ADAMTSL1: variants seen among roughly 807,000 people sequenced by gnomAD.
The protein encoded by ADAMTSL1 is ADAMTS-like protein 1.
ADAMTSL1 carries 126 observed loss-of-function variants against 201.8 expected under a neutral mutation model. That is an observed-to-expected ratio of 0.62 (90% CI 0.54 to 0.72). The LOEUF is 0.72. Ranked by LOEUF, ADAMTSL1 falls within the 30% of genes least tolerant of loss-of-function variation. The pLI, the probability that ADAMTSL1 is intolerant of heterozygous loss-of-function variation, is 0.00. For missense variants in ADAMTSL1, 2,679 were observed against 2,277.8 expected, an observed-to-expected ratio of 1.18 and a Z score of -3.59; for synonymous variants, 1,121 against 903.4, an observed-to-expected ratio of 1.24 and a Z score of -4.32.
intron 9 of ADAMTSL1, among the ~76,000 whole-genome samples, chr9:18,674,304 T>C (rs952946573): frequency 3.9e-5 from 6 of 152,064 alleles, no homozygotes; most frequent in African/African-American, 1.4e-4. Flanking sequence ...AATTTAGTCA[T>C]GTAAAATAAA....
chr9:18,561,079 G>A (rs957927692), intron 3 of ADAMTSL1, among the ~76,000 whole-genome samples: 5 of 151,534 alleles, frequency 3.3e-5, no homozygotes, highest in East Asian at 1.9e-4. Context: ...TTTGAAATCC[G>A]TTCCTGTTTG....
At chr9:18,002,525 G>A (rs570536557) in intron 1 of ADAMTSL1, among the ~76,000 whole-genome samples, 25 of 152,132 alleles carry the variant, frequency 1.6e-4, no homozygotes, top group African/African-American at 6.0e-4. Flanking sequence ...AAGAGTATGT[G>A]ACCATAGCAT....
intron 4 of ADAMTSL1, among the ~76,000 whole-genome samples, chr9:18,588,872 TATATAC>T (rs1823704697): frequency 1.5e-5 from 2 of 131,970 alleles, no homozygotes; most frequent in African/African-American, 5.7e-5. Flanking sequence ...TTGTGCCATA[TATATAC>T]ATATACATAT....
intron 2 of ADAMTSL1, among the ~76,000 whole-genome samples, chr9:18,179,725 A>G (rs1828366031): frequency 6.6e-6 from 1 of 152,330 alleles, no homozygotes; most frequent in African/African-American, 2.4e-5. Flanking sequence ...AATATTCAAC[A>G]TTCTTAAAGA....
chr9:18,370,215 G>A (rs1306711374), intron 2 of ADAMTSL1, among the ~76,000 whole-genome samples: 1 of 151,934 alleles, frequency 6.6e-6, no homozygotes, highest in Non-Finnish European at 1.5e-5. Context: ...AGGAGGCGGA[G>A]GTTGCAGTGA....
chr9:18,596,467 A>G (rs758524100), intron 4 of ADAMTSL1, among the ~76,000 whole-genome samples: 7 of 152,132 alleles, frequency 4.6e-5, no homozygotes, highest in South Asian at 2.1e-4. Flanking sequence ...ATGAAAGCCA[A>G]TATTTATTTA....
intron 23 of ADAMTSL1, among the ~76,000 whole-genome samples, chr9:18,846,520 A>C (rs978169048): frequency 6.6e-6 from 1 of 152,218 alleles, no homozygotes; most frequent in African/African-American, 2.4e-5. Context: ...GAGGTGGAGC[A>C]AATTGCTGGT....
At chr9:18,260,207 AT>A (rs1563841373) in intron 2 of ADAMTSL1, among the ~76,000 whole-genome samples, 1 of 152,208 alleles carries the variant, frequency 6.6e-6, no homozygotes, top group African/African-American at 2.4e-5. Flanking sequence ...GGACTGGCCA[AT>A]TAAAGCCCCC....
chr9:18,603,335 A>C (rs572170708), intron 4 of ADAMTSL1, among the ~76,000 whole-genome samples: 2 of 151,468 alleles, frequency 1.3e-5, no homozygotes, highest in Admixed American at 6.6e-5. Context: ...ATCTGTCTCC[A>C]AAGCTATATG....
At chr9:18,613,613 C>G (rs957159946) in intron 4 of ADAMTSL1, among the ~76,000 whole-genome samples, 2 of 151,882 alleles carry the variant, frequency 1.3e-5, no homozygotes, top group South Asian at 2.1e-4. Flanking sequence ...GACACAAGAA[C>G]AAAAACAAAA....
intron 2 of ADAMTSL1, among the ~76,000 whole-genome samples, chr9:18,445,892 A>G (rs1217929449): frequency 6.6e-6 from 1 of 152,196 alleles, no homozygotes; most frequent in Non-Finnish European, 1.5e-5. Context: ...TATATGCACA[A>G]TACTGTATCA....
At chr9:18,588,364 A>C (rs1002442801) in intron 4 of ADAMTSL1, among the ~76,000 whole-genome samples, 2 of 151,940 alleles carry the variant, frequency 1.3e-5, no homozygotes, top group African/African-American at 4.8e-5. Context: ...CTGGTTATTA[A>C]CTCCTTGCCA....
chr9:17,961,207 T>C (rs80118027), intron 1 of ADAMTSL1, among the ~76,000 whole-genome samples: 1,889 of 152,200 alleles, frequency 0.012, 38 homozygotes, highest in African/African-American at 0.044. Flanking sequence ...AGGCTGTTTT[T>C]TCACCTAATG....
intron 9 of ADAMTSL1, among the ~76,000 whole-genome samples, chr9:18,673,664 T>C (rs1030762635): frequency 3.9e-5 from 6 of 152,186 alleles, no homozygotes; most frequent in Admixed American, 2.0e-4. Flanking sequence ...GATAAATCAA[T>C]TGACAGAGAT....
intron 2 of ADAMTSL1, among the ~76,000 whole-genome samples, chr9:18,224,418 C>A (rs1398890778): frequency 6.6e-6 from 1 of 152,062 alleles, no homozygotes. Flanking sequence ...CCATCATAAC[C>A]TAAACACCTC....
intron 2 of ADAMTSL1, among the ~76,000 whole-genome samples, chr9:18,195,323 T>A (rs72701548): frequency 6.6e-6 from 1 of 152,144 alleles, no homozygotes; most frequent in African/African-American, 2.4e-5. Context: ...GTGGCAAGGA[T>A]CAAAACTGCC....
intron 23 of ADAMTSL1, among the ~76,000 whole-genome samples, chr9:18,872,460 A>T (rs936906610): frequency 2.6e-5 from 4 of 152,090 alleles, no homozygotes. Context: ...ACTGTACCCA[A>T]TGTGTAGTCT....
chr9:17,951,439 G>C (rs1188823375), intron 1 of ADAMTSL1, among the ~76,000 whole-genome samples: 3 of 152,102 alleles, frequency 2.0e-5, no homozygotes, highest in South Asian at 2.1e-4. Flanking sequence ...ATTCTTACCA[G>C]CTCTGCAGGG....
At chr9:18,414,078 T>C (rs1467961197) in intron 2 of ADAMTSL1, among the ~76,000 whole-genome samples, 1 of 152,206 alleles carries the variant, frequency 6.6e-6, no homozygotes, top group African/African-American at 2.4e-5. Context: ...TTTTAATTAG[T>C]TACAAAAGAT....
Sources: allele counts gnomAD v4.1 joint callset (sites outside exome capture counted in the v4.1 genomes callset), GRCh38; gene constraint gnomAD v4.1.1; transcripts MANE v1.5; gene names NCBI Gene and HGNC (gene_info 2026-07-23, HGNC 2026-07-21).